The following SORCS1 variants were observed in gnomAD, a reference collection of about 807,000 sequenced individuals.
SORCS1 encodes VPS10 domain-containing receptor SorCS1.
Under a neutral mutation model 146.1 loss-of-function variants are expected in SORCS1, and 60 were observed. That is an observed-to-expected ratio of 0.41 (90% confidence interval 0.33 to 0.51). The LOEUF (loss-of-function observed/expected upper bound fraction) is 0.51. Ranked by LOEUF, SORCS1 falls within the 20% of genes least tolerant of loss-of-function variation. The probability of loss-of-function intolerance (pLI) is 0.21; values close to 1 mark genes in which losing one functional copy is unlikely to be tolerated. For synonymous variants in SORCS1, 637 were observed against 584.0 expected, an observed-to-expected ratio of 1.09 and a Z score of -1.31; for missense variants, 1,352 against 1,487.6, an observed-to-expected ratio of 0.91 and a Z score of 1.50.
At chr10:106,584,511 C>G (rs1194542367) in intron 24 of SORCS1, among the ~76,000 whole-genome samples, 2 of 152,150 alleles carry the variant, frequency 1.3e-5, no homozygotes, top group African/African-American at 2.4e-5. Context: ...CAATTAGAAA[C>G]CACTAGCTAA....
intron 1 of SORCS1, among the ~76,000 whole-genome samples, chr10:107,136,004 C>A (rs7068120): frequency 0.04 from 6,106 of 152,194 alleles, 304 homozygotes; most frequent in African/African-American, 0.12. Flanking sequence ...TTCTTTCCCA[C>A]CTCTTGCTAT....
intron 22 of SORCS1, among the ~76,000 whole-genome samples, chr10:106,607,590 C>T (rs1384156303): frequency 6.6e-6 from 1 of 152,190 alleles, no homozygotes; most frequent in Non-Finnish European, 1.5e-5. Context: ...AGGACAGTTG[C>T]AGTACTTGCC....
intron 1 of SORCS1, among the ~76,000 whole-genome samples, chr10:107,077,289 G>A (rs945028886): frequency 1.3e-5 from 2 of 151,454 alleles, no homozygotes; most frequent in African/African-American, 4.9e-5. Flanking sequence ...AACTATTTTC[G>A]GTCCAATTAG....
intron 15 of SORCS1, 96 bp from the exon 16 acceptor site, chr10:106,671,463 G>A (rs1851597426): frequency 6.5e-7 from 1 of 1,533,190 alleles, no homozygotes; most frequent in Non-Finnish European, 8.8e-7. Context: ...GCACATCTTA[G>A]TGTAATGTAA....
At chr10:106,897,556 T>C (rs1951536962) in intron 2 of SORCS1, among the ~76,000 whole-genome samples, 1 of 152,154 alleles carries the variant, frequency 6.6e-6, no homozygotes, top group African/African-American at 2.4e-5. Context: ...TGGTTGGGTT[T>C]TTCCAACACC....
intron 3 of SORCS1, among the ~76,000 whole-genome samples, chr10:106,826,619 A>G (rs1451723326): frequency 6.6e-6 from 1 of 152,248 alleles, no homozygotes; most frequent in African/African-American, 2.4e-5. Flanking sequence ...TCACCTTATA[A>G]GTAGAAAAAC....
intron 1 of SORCS1, among the ~76,000 whole-genome samples, chr10:107,154,569 T>G (rs144684076): frequency 1.1e-3 from 160 of 152,302 alleles, no homozygotes; most frequent in African/African-American, 3.8e-3. Flanking sequence ...TGGAAATATT[T>G]AGTAAGCAAA....
chr10:107,088,758 C>A (rs1963955675), intron 1 of SORCS1, among the ~76,000 whole-genome samples: 1 of 152,170 alleles, frequency 6.6e-6, no homozygotes, highest in African/African-American at 2.4e-5. Flanking sequence ...GTTTGAGTTA[C>A]ATAAATGGTA....
At position 106,679,677 on chromosome 10, in the gene SORCS1, T is replaced by G. The variant is rs2135554633; in HGVS notation, c.1618A>C (p.Ile540Leu). 6.2e-7 allele frequency: 1 copy of G among 1,612,830 alleles called. No individual in the cohort carries two copies. Among genetic ancestry groups the G allele is most frequent in the East Asian group, 2.2e-5 (1 of 44,826 alleles). ...GGAGCTGTGTCTTTGCTGGCAATGA[T>G]CCCTGATGTGTAGGGATTCTCAGAG... ...KVSENPYTSG[I>L]IASKDTAPSI... is the part of the protein sequence containing the mutation. The change falls in exon 11 of 26, where the codon ATC (isoleucine) becomes CTC (leucine). Residue 540 changes from isoleucine to leucine, a missense_variant. Transcript: ENST00000263054.
At chr10:107,130,764 C>T (rs1014447984) in intron 1 of SORCS1, among the ~76,000 whole-genome samples, 2 of 151,490 alleles carry the variant, frequency 1.3e-5, no homozygotes, top group Admixed American at 6.6e-5. Flanking sequence ...TCCTAGATTA[C>T]TCTTTTAATT....
chr10:106,598,884 A>G (rs1259974175), intron 23 of SORCS1, among the ~76,000 whole-genome samples: 6 of 152,220 alleles, frequency 3.9e-5, no homozygotes, highest in African/African-American at 7.2e-5. Context: ...AACAACAGGA[A>G]CAGAGGATGA....
intron 16 of SORCS1, among the ~76,000 whole-genome samples, 179 bp from the exon 17 acceptor site, chr10:106,667,981 T>A (rs1851300035): frequency 6.6e-6 from 1 of 152,338 alleles, no homozygotes; most frequent in African/African-American, 2.4e-5. Context: ...ATAGAACTTT[T>A]TTCATAGAAT....
At chr10:106,850,657 C>T (rs903232723) in intron 2 of SORCS1, among the ~76,000 whole-genome samples, 2 of 152,180 alleles carry the variant, frequency 1.3e-5, no homozygotes, top group African/African-American at 4.8e-5. Context: ...CCAAGACACC[C>T]AAGAGCCTCT....
chr10:106,833,783 G>GTTATTA (rs34691171), intron 2 of SORCS1, among the ~76,000 whole-genome samples: 22 of 150,424 alleles, frequency 1.5e-4, no homozygotes, highest in Admixed American at 7.3e-4. Flanking sequence ...TCTTTCTTTT[G>GTTATTA]TTATTATTAT....
intron 2 of SORCS1, among the ~76,000 whole-genome samples, chr10:106,922,463 T>A (rs1564813188): frequency 6.6e-6 from 1 of 152,190 alleles, no homozygotes; most frequent in East Asian, 1.9e-4. Flanking sequence ...GATAATAAAG[T>A]CAAAACTTTG....
At chr10:106,887,983 T>G (rs1238553267) in intron 2 of SORCS1, among the ~76,000 whole-genome samples, 2 of 152,214 alleles carry the variant, frequency 1.3e-5, no homozygotes, top group Non-Finnish European at 2.9e-5. Context: ...TGACTTATTA[T>G]GTAACATGAA....
intron 1 of SORCS1, among the ~76,000 whole-genome samples, chr10:106,972,155 G>A (rs940951004): frequency 1.3e-5 from 2 of 152,090 alleles, no homozygotes; most frequent in African/African-American, 4.8e-5. Flanking sequence ...GCTGAGGCAG[G>A]TGGATCACCA....
At chr10:106,973,019 T>C (rs1313229619) in intron 1 of SORCS1, among the ~76,000 whole-genome samples, 1 of 152,312 alleles carries the variant, frequency 6.6e-6, no homozygotes, top group Admixed American at 6.5e-5. Context: ...GTCATCTTTG[T>C]ATCACATTCA....
rs766312481 is a variant in SORCS1, at chr10:106,776,516, C to T, written c.885+18G>A. ...GAGAACCATGCTTCATTGTCTCAAA[C>T]AAGGTAAGTATGCTCACCTTTTGGT... On this transcript the variant is annotated intron_variant, in intron 4 of 25. Coordinates refer to ENST00000263054, the MANE Select transcript of SORCS1 (RefSeq NM_052918.5). 2.1e-5 allele frequency: 34 copies of T among 1,612,316 alleles called. 1 individual carries two copies. In the South Asian group the frequency reaches 3.5e-4, roughly 17 times the overall value.
Sources: allele counts gnomAD v4.1 joint callset (sites outside exome capture counted in the v4.1 genomes callset), GRCh38; gene constraint gnomAD v4.1.1; transcripts MANE v1.5; gene names NCBI Gene and HGNC (gene_info 2026-07-23, HGNC 2026-07-21).